Variants in MCU observed in about 807,000 individuals in gnomAD.
MCU encodes the protein mitochondrial calcium uniporter.
In MCU, 12 loss-of-function variants were observed where a neutral mutation model predicts 45.2. The observed-to-expected ratio is 0.27, with a 90% CI of 0.17 to 0.43. The LOEUF is 0.43. Among genes scored for constraint, MCU ranks in the 20% least tolerant of loss-of-function variants. The probability of loss-of-function intolerance (pLI) is 1.00; values close to 1 mark genes in which losing one functional copy is unlikely to be tolerated. For synonymous variants in MCU, 160 were observed against 165.1 expected (o/e 0.97, Z 0.24); for missense variants, 324 against 436.7 (o/e 0.74, Z 2.30).
Position 72,860,408 on chromosome 10 carries a change from T to C in MCU, c.392-15T>C. On this transcript the variant is annotated splice_polypyrimidine_tract_variant and intron_variant, in intron 3 of 7. Coordinates refer to ENST00000373053, the MANE Select transcript of MCU (RefSeq NM_138357.3). ...ATTATGGACCTATGACAAGTTTCAT[T>C]TGAAATTTTCACAGATGGTGTTCGC... The C allele has an allele frequency of 1.9e-6, 3 of 1,607,984 alleles. No individual in the cohort carries two copies. Among genetic ancestry groups the C allele is most frequent in the Non-Finnish European group, 2.6e-6 (3 of 1,174,640 alleles).
chr10:72,736,369 CTG>C (rs1843252265), intron 1 of MCU: 1 of 152,212 alleles, frequency 6.6e-6, no homozygotes, highest in Non-Finnish European at 1.5e-5. Context: ...CTGACTGCTG[CTG>C]CCTAGTACCC....
chr10:72,871,652 C>A, intron 6 of MCU, 72 bp downstream of exon 6: 2 of 1,351,248 alleles, frequency 1.5e-6, no homozygotes, highest in Non-Finnish European at 2.1e-6. Context: ...GTTCTTTTTT[C>A]TCATCTTCTA....
intron 1 of MCU, among the ~76,000 whole-genome samples, chr10:72,827,111 C>T (rs1220121808): frequency 1.3e-5 from 2 of 152,124 alleles, no homozygotes; most frequent in Non-Finnish European, 2.9e-5. Context: ...TCACAGATAA[C>T]GGGGGAATAG....
chr10:72,781,930 T>A (rs1844001041), intron 1 of MCU, among the ~76,000 whole-genome samples: 1 of 152,066 alleles, frequency 6.6e-6, no homozygotes, highest in African/African-American at 2.4e-5. Flanking sequence ...ATGAATAGGC[T>A]GCAAAAAGGG....
At chr10:72,769,518 G>A (rs138898742) in intron 1 of MCU, among the ~76,000 whole-genome samples, 6 of 152,158 alleles carry the variant, frequency 3.9e-5, no homozygotes, top group African/African-American at 1.4e-4. Context: ...CCTGGGCTCC[G>A]GTGATACTCT....
intron 2 of MCU, among the ~76,000 whole-genome samples, chr10:72,858,364 A>C (rs1449144180): frequency 6.6e-6 from 1 of 152,130 alleles, no homozygotes; most frequent in African/African-American, 2.4e-5. Context: ...GAGGGTGTGA[A>C]AACCCTCACT....
At chr10:72,834,303 T>G in intron 1 of MCU, 56 bp from the exon 2 acceptor site, 1 of 1,293,656 alleles carries the variant, frequency 7.7e-7, no homozygotes, top group Non-Finnish European at 1.1e-6. Flanking sequence ...TACACACACA[T>G]AAGTATATGT....
chr10:72,880,478 CGGG>C (rs11286927), intron 6 of MCU, among the ~76,000 whole-genome samples: 95 of 139,024 alleles, frequency 6.8e-4, no homozygotes, highest in African/African-American at 2.2e-3. Flanking sequence ...GAAGGCAAAG[CGGG>C]GGGGGGGAAA....
At chr10:72,783,005 A>G (rs913817263) in intron 1 of MCU, among the ~76,000 whole-genome samples, 3 of 152,248 alleles carry the variant, frequency 2.0e-5, no homozygotes, top group Non-Finnish European at 2.9e-5. Flanking sequence ...TAAGCTTCCT[A>G]TAGGAAAATG....
intron 1 of MCU, among the ~76,000 whole-genome samples, chr10:72,802,460 G>C (rs1255958397): frequency 6.8e-6 from 1 of 147,660 alleles, no homozygotes; most frequent in Non-Finnish European, 1.5e-5. Context: ...ACTCTGGCTA[G>C]AGCTTCTGAA....
chr10:72,824,108 T>C (rs1323129324), intron 1 of MCU, among the ~76,000 whole-genome samples: 1 of 152,168 alleles, frequency 6.6e-6, no homozygotes, highest in East Asian at 1.9e-4. Flanking sequence ...ATTAATGGAA[T>C]GTGATTTGTT....
chr10:72,841,309 A>C (rs555485752), intron 2 of MCU, among the ~76,000 whole-genome samples: 23 of 150,586 alleles, frequency 1.5e-4, no homozygotes, highest in Non-Finnish European at 3.1e-4. Flanking sequence ...GAAAAAAAAA[A>C]TTTTTTTTTT....
At chr10:72,821,994 G>T (rs1385787271) in intron 1 of MCU, among the ~76,000 whole-genome samples, 2 of 152,128 alleles carry the variant, frequency 1.3e-5, no homozygotes, top group Non-Finnish European at 2.9e-5. Flanking sequence ...AAGAAATAAC[G>T]GCTGGACGTG....
intron 1 of MCU, among the ~76,000 whole-genome samples, chr10:72,706,913 T>G (rs1463060338): frequency 1.4e-5 from 2 of 144,452 alleles, no homozygotes; most frequent in Non-Finnish European, 3.0e-5. Context: ...CACTGAAACC[T>G]CCATCTCCTG....
At chr10:72,783,500 G>C (rs1777093239) in intron 1 of MCU, among the ~76,000 whole-genome samples, 1 of 152,168 alleles carries the variant, frequency 6.6e-6, no homozygotes, top group South Asian at 2.1e-4. Flanking sequence ...GCATCTAGGA[G>C]GCTTTGCATA....
rs191053990 is a variant in MCU at position 72,794,751 on chromosome 10, C to T, written c.151-39608C>T. On this transcript the variant is annotated intron_variant, in intron 1 of 7. Transcript: ENST00000373053. ...TCTGAGACTACTGTGGAACAAGACC[C>T]TTAGGCTTCTTAGAAATCTCTCTTT... 4.2e-3 allele frequency among the ~76,000 whole-genome samples: 637 copies of T among 152,300 alleles called. 1 individual carries two copies. The highest frequency in any genetic ancestry group is 6.3e-3 in the Admixed American group (97 of 15,306).
At chr10:72,708,621 G>A (rs980914984) in intron 1 of MCU, among the ~76,000 whole-genome samples, 3 of 152,074 alleles carry the variant, frequency 2.0e-5, no homozygotes, top group Non-Finnish European at 2.9e-5. Flanking sequence ...AATAGTCCTG[G>A]CAACTATTGT....
chr10:72,716,507 A>T (rs1426135880), intron 1 of MCU, among the ~76,000 whole-genome samples: 1 of 151,806 alleles, frequency 6.6e-6, no homozygotes, highest in African/African-American at 2.4e-5. Context: ...ACTGACTCTC[A>T]TTTCTCTTTC....
chr10:72,731,330 C>T (rs1843170611), intron 1 of MCU, among the ~76,000 whole-genome samples: 1 of 152,142 alleles, frequency 6.6e-6, no homozygotes, highest in African/African-American at 2.4e-5. Context: ...AGATTTAGAT[C>T]ATTTTATTGT....
Sources: allele counts gnomAD v4.1 joint callset (sites outside exome capture counted in the v4.1 genomes callset), GRCh38; gene constraint gnomAD v4.1.1; transcripts MANE v1.5; gene names NCBI Gene and HGNC (gene_info 2026-07-23, HGNC 2026-07-21).